Variants in CDH12 observed in about 807,000 individuals in gnomAD.
CDH12 encodes cadherin-12.
A neutral mutation model predicts 74.1 loss-of-function variants in CDH12; 41 were observed. The observed-to-expected ratio is 0.55, with a 90% CI of 0.43 to 0.72. The LOEUF (loss-of-function observed/expected upper bound fraction) is 0.72. Ranked by LOEUF, CDH12 falls within the 30% of genes least tolerant of loss-of-function variation. The pLI is 0.00. For synonymous variants in CDH12, 399 were observed against 355.0 expected, an observed-to-expected ratio of 1.12 and a Z score of -1.39; for missense variants, 945 against 977.2, an observed-to-expected ratio of 0.97 and a Z score of 0.44.
chr5:22,085,137 T>C (rs1742980779), intron 4 of CDH12, among the ~76,000 whole-genome samples: 1 of 151,990 alleles, frequency 6.6e-6, no homozygotes, highest in Admixed American at 6.6e-5. Flanking sequence ...ACTCGGATGA[T>C]GACTCTCTGG....
At chr5:22,410,459 A>G (rs1434055941) in intron 2 of CDH12, among the ~76,000 whole-genome samples, 1 of 152,078 alleles carries the variant, frequency 6.6e-6, no homozygotes. Context: ...AAGAATCTGC[A>G]CAGAGAGGTT....
chr5:21,790,601 T>C (rs548542302), intron 10 of CDH12, among the ~76,000 whole-genome samples: 22 of 152,088 alleles, frequency 1.4e-4, no homozygotes, highest in Admixed American at 2.0e-4. Context: ...TTATGTTCTA[T>C]AAAATTTGGA....
chr5:22,034,090 C>T (rs1475389414), intron 5 of CDH12, among the ~76,000 whole-genome samples: 1 of 152,168 alleles, frequency 6.6e-6, no homozygotes, highest in Non-Finnish European at 1.5e-5. Flanking sequence ...GTCATCCAGG[C>T]TGGAGTGCAT....
intron 6 of CDH12, among the ~76,000 whole-genome samples, chr5:21,921,481 T>C (rs1754350535): frequency 3.3e-5 from 5 of 152,194 alleles, no homozygotes; most frequent in Admixed American, 3.3e-4. Flanking sequence ...CTACTGATGG[T>C]TGCTCTATTC....
At chr5:22,097,621 G>A (rs1743866838) in intron 4 of CDH12, among the ~76,000 whole-genome samples, 1 of 151,942 alleles carries the variant, frequency 6.6e-6, no homozygotes, top group African/African-American at 2.4e-5. Context: ...TAACTAAATT[G>A]TCTGCTTCCC....
Position 21,872,377 on chromosome 5 carries a change from C to T in CDH12, c.527-17587G>A, listed in dbSNP as rs138307851. Among the ~76,000 whole-genome samples the T allele has an allele frequency of 4.0e-4, 61 of 152,332 alleles. No individual in the cohort carries two copies. The East Asian group carries it at 0.012, about 29-fold the overall frequency. ...TTTTTATGAGCACTTTATCTCTCAG[C>T]TGTGTGCCAAGAATTCTATAGTACC... is the stretch of plus-strand genomic sequence containing the variant. On this transcript the variant is annotated intron_variant, in intron 6 of 14. Coordinates refer to ENST00000382254, the MANE Select transcript of CDH12 (RefSeq NM_004061.5).
intron 3 of CDH12, among the ~76,000 whole-genome samples, chr5:22,276,551 A>C (rs1335391509): frequency 2.0e-5 from 3 of 152,246 alleles, no homozygotes; most frequent in Non-Finnish European, 2.9e-5. Context: ...GTGATGTGAA[A>C]GAATGGTTCA....
intron 8 of CDH12, among the ~76,000 whole-genome samples, chr5:21,830,646 C>A (rs1415936920): frequency 6.6e-6 from 1 of 152,080 alleles, no homozygotes. Flanking sequence ...TCAGTTTAGT[C>A]AGGCCCCAGT....
At chr5:21,758,042 A>G (rs1744500836) in intron 13 of CDH12, among the ~76,000 whole-genome samples, 1 of 152,162 alleles carries the variant, frequency 6.6e-6, no homozygotes, top group South Asian at 2.1e-4. Flanking sequence ...AAATATGAAT[A>G]TGTTATATTC....
chr5:22,809,168 T>A (rs1581022129), intron 1 of CDH12, among the ~76,000 whole-genome samples: 1 of 152,068 alleles, frequency 6.6e-6, no homozygotes, highest in Non-Finnish European at 1.5e-5. Flanking sequence ...AGGTGACTAA[T>A]TTTGAGTGCA....
At chr5:21,861,117 G>C (rs991050214) in intron 6 of CDH12, among the ~76,000 whole-genome samples, 9 of 151,992 alleles carry the variant, frequency 5.9e-5, no homozygotes, top group African/African-American at 2.2e-4. Context: ...TCAAAAATCA[G>C]ATGGAAGAGG....
chr5:22,013,619 C>T (rs1737422581), intron 5 of CDH12, among the ~76,000 whole-genome samples: 1 of 152,156 alleles, frequency 6.6e-6, no homozygotes, highest in Admixed American at 6.6e-5. Context: ...TATCTCAGCT[C>T]ATACTGGCTG....
intron 1 of CDH12, among the ~76,000 whole-genome samples, chr5:22,839,997 C>T (rs9293039): frequency 0.016 from 2,438 of 152,226 alleles, 66 homozygotes; most frequent in African/African-American, 0.055. Flanking sequence ...ACACACAAAC[C>T]AGAACAAACT....
chr5:22,294,378 G>A lies in CDH12; in HGVS notation c.-332-81735C>T, dbSNP rs150357747. ...CTTAAGAACAGAAGCCCTGTGTTGG[G>A]GGCCACTATTCCCAAACTGTTACCC... is the stretch of plus-strand genomic sequence containing the variant. On this transcript the variant is annotated intron_variant, in intron 3 of 14. Coordinates refer to ENST00000382254, the MANE Select transcript of CDH12 (RefSeq NM_004061.5). Among the ~76,000 whole-genome samples, 113 of 152,208 alleles carry A rather than the reference G, an allele frequency of 7.4e-4. No individual in the cohort carries two copies. In the East Asian group the frequency reaches 0.019, roughly 25 times the overall value.
At chr5:22,751,723 A>AT (rs1427417382) in intron 1 of CDH12, among the ~76,000 whole-genome samples, 1 of 152,172 alleles carries the variant, frequency 6.6e-6, no homozygotes, top group Non-Finnish European at 1.5e-5. Context: ...TGGTTTGGGT[A>AT]TGTTGCCAGC....
At chr5:21,954,703 C>A (rs560212375) in intron 6 of CDH12, among the ~76,000 whole-genome samples, 3 of 151,994 alleles carry the variant, frequency 2.0e-5, no homozygotes, top group Non-Finnish European at 4.4e-5. Flanking sequence ...CATCTGTCTG[C>A]TTTTTTATTG....
At chr5:22,084,904 C>T (rs945417835) in intron 4 of CDH12, among the ~76,000 whole-genome samples, 5 of 152,160 alleles carry the variant, frequency 3.3e-5, no homozygotes, top group African/African-American at 1.2e-4. Context: ...TGCCCCAGCA[C>T]CAATGGTGTT....
intron 1 of CDH12, among the ~76,000 whole-genome samples, chr5:22,640,472 C>A (rs1339553881): frequency 6.6e-6 from 1 of 152,178 alleles, no homozygotes; most frequent in Non-Finnish European, 1.5e-5. Context: ...TCCTCTACTT[C>A]TTTGCCCTAA....
chr5:22,436,887 T>C (rs948287008), intron 2 of CDH12, among the ~76,000 whole-genome samples: 9 of 152,106 alleles, frequency 5.9e-5, no homozygotes, highest in African/African-American at 2.2e-4. Flanking sequence ...AGAACGTTGT[T>C]TCCTGAAATG....
Sources: gnomAD v4.1 joint callset for allele counts (sites outside exome capture counted in the v4.1 genomes callset) on GRCh38, gnomAD v4.1.1 for gene constraint, MANE v1.5 for transcripts, NCBI Gene and HGNC (gene_info 2026-07-23, HGNC 2026-07-21) for gene names.